Variants in RELCH observed in about 807,000 individuals in gnomAD.
RELCH encodes RAB11 binding and LisH domain, coiled-coil and HEAT repeat containing, also known as RAB11-binding protein RELCH.
In RELCH, 41 loss-of-function variants were observed where a neutral mutation model predicts 150.3. The ratio of observed to expected loss-of-function variants is 0.27; its 90% CI spans 0.21 to 0.35. The LOEUF (loss-of-function observed/expected upper bound fraction) is 0.35. RELCH is among the 10% of genes least tolerant of loss of function. The pLI is 1.00. For synonymous variants in RELCH, 478 were observed against 531.8 expected (o/e 0.90, Z 1.39); for missense variants, 1,092 against 1,467.8 (o/e 0.74, Z 4.18).
chr18:62,192,337 G>A (rs769246156), intron 1 of RELCH, among the ~76,000 whole-genome samples: 4 of 152,134 alleles, frequency 2.6e-5, no homozygotes, highest in Admixed American at 6.5e-5. Flanking sequence ...CCATTCTGTA[G>A]GTTGTCTGTT....
chr18:62,210,451 C>G (rs999548053), intron 1 of RELCH, among the ~76,000 whole-genome samples: 1 of 152,176 alleles, frequency 6.6e-6, no homozygotes. Context: ...AGATTTCTGA[C>G]CCTTTCCTCT....
At chr18:62,213,354 T>C (rs928971340) in intron 2 of RELCH, among the ~76,000 whole-genome samples, 7 of 152,082 alleles carry the variant, frequency 4.6e-5, no homozygotes, top group African/African-American at 7.2e-5. Context: ...TTGAAGAGGT[T>C]TATTATTATT....
At chr18:62,189,375 T>C (rs2038449547) in intron 1 of RELCH, among the ~76,000 whole-genome samples, 1 of 151,920 alleles carries the variant, frequency 6.6e-6, no homozygotes, top group African/African-American at 2.4e-5. Flanking sequence ...TTGTACATGC[T>C]TCCTCCAGGC....
chr18:62,220,818 C>A (rs1257191986), intron 2 of RELCH: 1 of 548,972 alleles, frequency 1.8e-6, no homozygotes, highest in South Asian at 2.3e-5. Flanking sequence ...TTGATAATAA[C>A]CCCCTGAATT....
chr18:62,268,746 G>A (rs746880847), intron 19 of RELCH, 123 bp from the exon 20 acceptor site: 7 of 471,234 alleles, frequency 1.5e-5, no homozygotes, highest in African/African-American at 4.1e-5. Flanking sequence ...GTTTTCCAAA[G>A]TAATGATAAT....
chr18:62,215,456 C>A (rs1445924794), intron 2 of RELCH, among the ~76,000 whole-genome samples: 1 of 152,066 alleles, frequency 6.6e-6, no homozygotes, highest in East Asian at 1.9e-4. Context: ...TTTTCGGCAG[C>A]ATTCTTACCA....
In RELCH at chr18:62,258,010, A is replaced by G. The variant is rs1470151529; in HGVS notation, c.1959A>G (p.Ala653=). 10 of 1,607,994 alleles carry G rather than the reference A, an allele frequency of 6.2e-6. No individual in the cohort carries two copies. The highest frequency in any genetic ancestry group is 1.3e-5 in the African/African-American group (1 of 74,564). The change falls in exon 14 of 29, where the codon GCA becomes GCG. Residue 653 remains alanine (A), a synonymous_variant. Transcript: ENST00000644646. ...AACAAATGTTAATGGAAGATAAGGCAGATTTGGTAAGAGAAGCTGTTATCA... is the reference window on the plus strand; with the variant it reads ...AACAAATGTTAATGGAAGATAAGGCGGATTTGGTAAGAGAAGCTGTTATCA... The part of the protein sequence containing the change: ...MLQQMLMEDK[A]DLVREAVIKS...
intron 8 of RELCH, among the ~76,000 whole-genome samples, chr18:62,230,323 G>A (rs1340631180): frequency 6.6e-6 from 1 of 151,950 alleles, no homozygotes; most frequent in Non-Finnish European, 1.5e-5. Flanking sequence ...CCTGATTTGA[G>A]GTTTCTGACT....
At chr18:62,236,608 A>G (rs1020747715) in intron 10 of RELCH, among the ~76,000 whole-genome samples, 2 of 151,948 alleles carry the variant, frequency 1.3e-5, no homozygotes, top group Non-Finnish European at 2.9e-5. Context: ...GTTGATGAAC[A>G]GTTGTTCATA....
chr18:62,224,162 C>T (rs1354471961), intron 5 of RELCH, among the ~76,000 whole-genome samples: 2 of 152,034 alleles, frequency 1.3e-5, no homozygotes, highest in Non-Finnish European at 2.9e-5. Flanking sequence ...TGTTCCTCAC[C>T]ATGTGTCCAA....
Position 62,187,661 on chromosome 18 carries a change from G to A in RELCH, c.156G>A (p.Ala52=). The A allele has an allele frequency of 1.9e-6, 3 of 1,561,140 alleles. No homozygotes were observed. The highest frequency in any genetic ancestry group is 2.6e-6 in the Non-Finnish European group (3 of 1,150,588). ...GAAGTGGCCTAGATCCTGGCTCTGC[G>A]GGCTCGCTGTCGCCACAGGATCCCG... ...GAGSGLDPGS[A]GSLSPQDPVA... is the part of the protein sequence containing the mutation. The change falls in exon 1 of 29, where the codon GCG becomes GCA. Residue 52 remains alanine (A), a synonymous_variant. Coordinates refer to ENST00000644646, the MANE Select transcript of RELCH (RefSeq NM_001346231.2).
At chr18:62,203,911 T>C (rs1312767552) in intron 1 of RELCH, among the ~76,000 whole-genome samples, 2 of 152,084 alleles carry the variant, frequency 1.3e-5, no homozygotes, top group East Asian at 1.9e-4. Flanking sequence ...CCTAGGAGTT[T>C]TGGGTTACAG....
chr18:62,303,911 T>A (rs2145174694), intron 28 of RELCH, among the ~76,000 whole-genome samples: 1 of 152,320 alleles, frequency 6.6e-6, no homozygotes, highest in Middle Eastern at 3.4e-3. Flanking sequence ...GATGGAAGAC[T>A]GTTGGAATCA....
intron 1 of RELCH, among the ~76,000 whole-genome samples, chr18:62,209,712 A>G (rs1406221031): frequency 6.6e-6 from 1 of 150,522 alleles, no homozygotes; most frequent in Non-Finnish European, 1.5e-5. Context: ...TAATTGTAGA[A>G]TATTGCTGTT....
chr18:62,293,427 C>A (rs948037600), intron 27 of RELCH, among the ~76,000 whole-genome samples: 1 of 152,126 alleles, frequency 6.6e-6, no homozygotes, highest in Non-Finnish European at 1.5e-5. Flanking sequence ...GAGGCAGATT[C>A]CTTCTTCAGG....
intron 11 of RELCH, chr18:62,247,026 G>C (rs1356238642): frequency 6.6e-6 from 1 of 152,140 alleles, no homozygotes; most frequent in Non-Finnish European, 1.5e-5. Context: ...ACTGGGCGTT[G>C]AGAAAAGGAG....
intron 1 of RELCH, among the ~76,000 whole-genome samples, chr18:62,191,016 A>C (rs1052619272): frequency 6.6e-6 from 1 of 152,212 alleles, no homozygotes; most frequent in African/African-American, 2.4e-5. Context: ...CATGTTTTTA[A>C]AAGTCATCTA....
intron 10 of RELCH, among the ~76,000 whole-genome samples, chr18:62,241,458 G>A (rs915688186): frequency 4.0e-5 from 6 of 151,582 alleles, no homozygotes; most frequent in Admixed American, 2.0e-4. Context: ...TTTATTATGT[G>A]AAGCAAAAAA....
chr18:62,292,224 C>T (rs902597789), intron 27 of RELCH, among the ~76,000 whole-genome samples: 6 of 152,170 alleles, frequency 3.9e-5, no homozygotes, highest in African/African-American at 9.7e-5. Context: ...ATATTCCCTG[C>T]ATCACACTAA....
Sources: gnomAD v4.1 joint callset for allele counts (sites outside exome capture counted in the v4.1 genomes callset) on GRCh38, gnomAD v4.1.1 for gene constraint, MANE v1.5 for transcripts, NCBI Gene and HGNC (gene_info 2026-07-23, HGNC 2026-07-21) for gene names.